Variants in CFAP20DC observed in about 807,000 individuals in gnomAD.
CFAP20DC encodes CFAP20 domain containing, also known as protein CFAP20DC.
Under a neutral mutation model 101.7 loss-of-function variants are expected in CFAP20DC, and 84 were observed. That is an observed-to-expected ratio of 0.83 (90% CI 0.69 to 0.99). The LOEUF is 0.99. Among genes scored for constraint, CFAP20DC ranks in the 50% least tolerant of loss-of-function variants. The pLI is 0.00. For synonymous variants in CFAP20DC, 359 were observed against 351.2 expected, an observed-to-expected ratio of 1.02 and a Z score of -0.25; for missense variants, 1,007 against 970.3, an observed-to-expected ratio of 1.04 and a Z score of -0.50.
chr3:58,866,444 C>T, intron 11 of CFAP20DC, 122 bp downstream of exon 11: 1 of 724,138 alleles, frequency 1.4e-6, no homozygotes. Context: ...AAGATTTACA[C>T]AAACTTACAC....
At position 58,913,044 on chromosome 3, in the gene CFAP20DC, T is replaced by C. The variant is rs908016208; in HGVS notation, c.550+664A>G. Among the ~76,000 whole-genome samples, 13 of 152,266 alleles carry C rather than the reference T, an allele frequency of 8.5e-5. No individual in the cohort carries two copies. The highest frequency in any genetic ancestry group is 2.1e-4 in the South Asian group (1 of 4,822). ...TGCTTTGCCTGCCTTCCTTGCAGCA[T>C]GCAACCTAGACTCCACAGGACAGAA... On this transcript the variant is annotated intron_variant, in intron 6 of 16. Coordinates refer to ENST00000482387, the MANE Select transcript of CFAP20DC (RefSeq NM_001394063.1). This position sits in a 1 kb window ranked among gnomAD's most constrained non-coding sequence, Gnocchi z 4.4.
chr3:58,804,833 TTCTTA>T (rs1400002246), intron 15 of CFAP20DC, among the ~76,000 whole-genome samples: 1 of 152,250 alleles, frequency 6.6e-6, no homozygotes, highest in East Asian at 1.9e-4. Flanking sequence ...TTAAAATACC[TTCTTA>T]TATATATTGA....
chr3:58,986,711 C>A (rs1338006251), intron 4 of CFAP20DC, among the ~76,000 whole-genome samples: 1 of 151,958 alleles, frequency 6.6e-6, no homozygotes, highest in Non-Finnish European at 1.5e-5. Flanking sequence ...AAAACTCGTT[C>A]TATGTCAGTA....
chr3:58,910,043 G>A (rs574062248), intron 6 of CFAP20DC, among the ~76,000 whole-genome samples: 2 of 152,168 alleles, frequency 1.3e-5, no homozygotes, highest in South Asian at 2.1e-4. Flanking sequence ...CTTCATCCAC[G>A]TCCCTGCAAA....
At chr3:58,796,878 G>A (rs745462533) in intron 15 of CFAP20DC, among the ~76,000 whole-genome samples, 34 of 152,006 alleles carry the variant, frequency 2.2e-4, no homozygotes, top group Non-Finnish European at 4.4e-4. Context: ...TATCTGTTAC[G>A]GTGATACGTG....
intron 4 of CFAP20DC, among the ~76,000 whole-genome samples, chr3:59,019,543 C>T (rs55800084): frequency 0.19 from 28,089 of 151,768 alleles, 2,643 homozygotes; most frequent in Non-Finnish European, 0.2. Flanking sequence ...GAGCTCCTAT[C>T]GTTGGCCTGC....
intron 14 of CFAP20DC, among the ~76,000 whole-genome samples, chr3:58,822,063 C>T (rs2075694439): frequency 7.1e-6 from 1 of 140,288 alleles, no homozygotes; most frequent in Non-Finnish European, 1.5e-5. Flanking sequence ...CCAAACACCG[C>T]ATATTCTCAC....
intron 5 of CFAP20DC, among the ~76,000 whole-genome samples, chr3:58,924,927 TG>T (rs1168283591): frequency 6.6e-6 from 1 of 152,188 alleles, no homozygotes; most frequent in East Asian, 1.9e-4. Context: ...TGGGGTTATT[TG>T]TTTTTTTCTT....
At chr3:58,766,635 C>G (rs1335411969) in intron 15 of CFAP20DC, among the ~76,000 whole-genome samples, 1 of 152,202 alleles carries the variant, frequency 6.6e-6, no homozygotes, top group Non-Finnish European at 1.5e-5. Flanking sequence ...AGACCAGGAC[C>G]ATTACCTTAG....
At chr3:58,843,811 T>C (rs1478452347) in intron 13 of CFAP20DC, among the ~76,000 whole-genome samples, 1 of 146,994 alleles carries the variant, frequency 6.8e-6, no homozygotes, top group East Asian at 2.0e-4. Flanking sequence ...TAACAGCGGA[T>C]CTCTCGGCAG....
Position 58,752,897 on chromosome 3 carries a change from CT to C in CFAP20DC, c.2332+871del, listed in dbSNP as rs574284216. Among the ~76,000 whole-genome samples, 4 of 152,198 alleles carry C rather than the reference CT, an allele frequency of 2.6e-5. No homozygotes were observed. The East Asian group carries it at 7.7e-4, about 29-fold the overall frequency. On this transcript the variant is annotated intron_variant, in intron 16 of 16. Transcript: ENST00000482387. ...GCAATTTATATTGGTTTCACTCCCA[CT>C]TTTTTTAAAGCTTCAGATATAACAT...
chr3:58,926,456 A>G (rs927287845), intron 5 of CFAP20DC, among the ~76,000 whole-genome samples: 3 of 152,200 alleles, frequency 2.0e-5, no homozygotes, highest in African/African-American at 4.8e-5. Context: ...TCAATCAAGT[A>G]CCATCAACAT....
chr3:58,901,314 G>A (rs761278930), intron 6 of CFAP20DC, among the ~76,000 whole-genome samples: 50 of 152,172 alleles, frequency 3.3e-4, no homozygotes, highest in Non-Finnish European at 7.1e-4. Flanking sequence ...ACATTAAGAA[G>A]CAGTATATTA....
intron 4 of CFAP20DC, among the ~76,000 whole-genome samples, chr3:59,013,203 A>G (rs1207089770): frequency 1.3e-5 from 2 of 152,128 alleles, no homozygotes; most frequent in Non-Finnish European, 2.9e-5. Flanking sequence ...GGGCTCTAGG[A>G]AGGTGAGTCT....
intron 15 of CFAP20DC, among the ~76,000 whole-genome samples, chr3:58,781,616 C>A (rs1162474709): frequency 6.6e-6 from 1 of 151,772 alleles, no homozygotes; most frequent in Non-Finnish European, 1.5e-5. Context: ...ACAATTGTTA[C>A]CATGGAAATA....
At chr3:58,975,828 A>G (rs1298066255) in intron 4 of CFAP20DC, among the ~76,000 whole-genome samples, 1 of 152,092 alleles carries the variant, frequency 6.6e-6, no homozygotes, top group Non-Finnish European at 1.5e-5. Context: ...AAAGTGAACT[A>G]AGGAACAGGG....
intron 4 of CFAP20DC, among the ~76,000 whole-genome samples, chr3:58,939,726 G>A (rs985629087): frequency 6.1e-5 from 9 of 148,688 alleles, no homozygotes; most frequent in African/African-American, 2.0e-4. Context: ...CCAAAGTGCT[G>A]GGATTACAGG....
At chr3:58,835,889 G>A (rs1358607269) in intron 13 of CFAP20DC, among the ~76,000 whole-genome samples, 1 of 152,200 alleles carries the variant, frequency 6.6e-6, no homozygotes, top group Non-Finnish European at 1.5e-5. Context: ...CTACTGCTGA[G>A]AGGCAAAGTG....
chr3:59,037,398 T>C (rs2094123652), intron 4 of CFAP20DC, among the ~76,000 whole-genome samples: 1 of 151,176 alleles, frequency 6.6e-6, no homozygotes, highest in African/African-American at 2.4e-5. Context: ...AAAGGGCTAA[T>C]ATCCAGAATC....
Sources: gnomAD v4.1 joint callset for allele counts (sites outside exome capture counted in the v4.1 genomes callset) on GRCh38, gnomAD v4.1.1 for gene constraint, Gnocchi (gnomAD v3.1) non-coding constraint, MANE v1.5 for transcripts, NCBI Gene and HGNC (gene_info 2026-07-23, HGNC 2026-07-21) for gene names.